Variants in SMAP1 observed in about 807,000 individuals in gnomAD.
The protein encoded by SMAP1 is small ArfGAP 1.
In SMAP1, 24 loss-of-function variants were observed where a neutral mutation model predicts 58.5. That is an observed-to-expected ratio of 0.41 (90% CI 0.30 to 0.58). The LOEUF (loss-of-function observed/expected upper bound fraction) is 0.58. Ranked by LOEUF, SMAP1 falls within the 20% of genes least tolerant of loss-of-function variation. The pLI is 0.29. For missense variants in SMAP1, 563 were observed against 566.3 expected, an observed-to-expected ratio of 0.99 and a Z score of 0.06; for synonymous variants, 216 against 196.6, an observed-to-expected ratio of 1.10 and a Z score of -0.82.
intron 1 of SMAP1, among the ~76,000 whole-genome samples, chr6:70,729,460 TG>T (rs1246364776): frequency 1.2e-4 from 1 of 8,586 alleles, no homozygotes; most frequent in African/African-American, 2.1e-4. Context: ...AAAAGAAGGT[TG>T]TGTGTGTGTG....
intron 7 of SMAP1, among the ~76,000 whole-genome samples, chr6:70,846,107 C>A (rs906396251): frequency 5.3e-5 from 8 of 152,128 alleles, no homozygotes; most frequent in African/African-American, 1.4e-4. Context: ...TCAGCTAGGG[C>A]TAAATGTGCT....
At chr6:70,816,556 C>G (rs1278130552) in intron 6 of SMAP1, among the ~76,000 whole-genome samples, 1 of 152,150 alleles carries the variant, frequency 6.6e-6, no homozygotes, top group Non-Finnish European at 1.5e-5. Context: ...AACAAACAGC[C>G]TTACCAAACT....
intron 1 of SMAP1, among the ~76,000 whole-genome samples, chr6:70,728,147 A>G (rs1765266610): frequency 6.6e-6 from 1 of 152,172 alleles, no homozygotes; most frequent in Non-Finnish European, 1.5e-5. Context: ...CAGTATGGGT[A>G]GAGTAGTTCT....
At chr6:70,812,142 G>A (rs965124924) in intron 6 of SMAP1, among the ~76,000 whole-genome samples, 18 of 152,176 alleles carry the variant, frequency 1.2e-4, no homozygotes, top group African/African-American at 3.6e-4. Context: ...AAAGCAAAAC[G>A]TTAGGTAAGG....
chr6:70,710,887 T>TTC (rs1768030775), intron 1 of SMAP1, among the ~76,000 whole-genome samples: 2 of 152,170 alleles, frequency 1.3e-5, no homozygotes, highest in Non-Finnish European at 2.9e-5. Context: ...GCTTTTTTTG[T>TTC]TCAAAACTAA....
chr6:70,690,090 G>A (rs1371425706), intron 1 of SMAP1, among the ~76,000 whole-genome samples: 2 of 151,984 alleles, frequency 1.3e-5, no homozygotes, highest in East Asian at 3.9e-4. Flanking sequence ...AGTAAAAATA[G>A]AAGTGGTGAA....
intron 1 of SMAP1, among the ~76,000 whole-genome samples, chr6:70,708,059 A>G (rs972918890): frequency 6.6e-6 from 1 of 152,054 alleles, no homozygotes; most frequent in East Asian, 1.9e-4. Context: ...TGAACATTAT[A>G]TCTCTAGACT....
chr6:70,739,351 T>G (rs1381851510), intron 2 of SMAP1, among the ~76,000 whole-genome samples: 2 of 152,162 alleles, frequency 1.3e-5, no homozygotes, highest in Non-Finnish European at 2.9e-5. Flanking sequence ...TTTACCTGTT[T>G]TAATTTTTTT....
At chr6:70,791,513 T>C (rs1768351306) in intron 4 of SMAP1, among the ~76,000 whole-genome samples, 176 bp from the exon 5 acceptor site, 1 of 152,222 alleles carries the variant, frequency 6.6e-6, no homozygotes, top group Non-Finnish European at 1.5e-5. Flanking sequence ...AAATTTCAAA[T>C]TGAAATTTTT....
intron 1 of SMAP1, among the ~76,000 whole-genome samples, chr6:70,708,644 G>T (rs373246113): frequency 3.3e-5 from 5 of 151,880 alleles, no homozygotes; most frequent in East Asian, 1.9e-4. Flanking sequence ...TTGTCTTCTT[G>T]ATAATAGCCT....
At position 70,729,806 on chromosome 6, in the gene SMAP1, A is replaced by G. The variant is rs1033799565; in HGVS notation, c.119-2572A>G. Among the ~76,000 whole-genome samples, 6 of 152,158 alleles carry G rather than the reference A, an allele frequency of 3.9e-5. No individual in the cohort carries two copies. The East Asian group carries it at 9.6e-4, about 24-fold the overall frequency. On this transcript the variant is annotated intron_variant, in intron 1 of 10. Coordinates refer to ENST00000370455, the MANE Select transcript of SMAP1 (RefSeq NM_001044305.3). ...AATTACGTTAGTTATGTGAAAGCAA[A>G]TCAGGAAGTGTGTTGAATGCTTGAG...
intron 3 of SMAP1, among the ~76,000 whole-genome samples, chr6:70,769,142 A>C (rs1270473125): frequency 2.0e-5 from 3 of 152,076 alleles, no homozygotes; most frequent in African/African-American, 4.8e-5. Flanking sequence ...CTGATCTTTT[A>C]CATTTGCTGA....
chr6:70,739,827 T>C (rs1665740013), intron 2 of SMAP1, among the ~76,000 whole-genome samples: 1 of 152,076 alleles, frequency 6.6e-6, no homozygotes, highest in Non-Finnish European at 1.5e-5. Context: ...CTTAGACTAT[T>C]ATTTGTTGTC....
chr6:70,812,621 A>T (rs1395749421), intron 6 of SMAP1, among the ~76,000 whole-genome samples: 1 of 152,222 alleles, frequency 6.6e-6, no homozygotes, highest in Non-Finnish European at 1.5e-5. Flanking sequence ...TTCAAAACTT[A>T]GTAGGGACCT....
intron 6 of SMAP1, among the ~76,000 whole-genome samples, chr6:70,827,858 AT>A (rs1562189211): frequency 6.6e-6 from 1 of 152,212 alleles, no homozygotes; most frequent in Non-Finnish European, 1.5e-5. Context: ...TAAAATGTAG[AT>A]TGTAATAAAT....
At chr6:70,701,959 A>G (rs1014268681) in intron 1 of SMAP1, among the ~76,000 whole-genome samples, 4 of 151,866 alleles carry the variant, frequency 2.6e-5, no homozygotes, top group Non-Finnish European at 5.9e-5. Context: ...CCTTTATTTC[A>G]CCTTTGTTTT....
At chr6:70,693,591 C>T (rs1415054253) in intron 1 of SMAP1, among the ~76,000 whole-genome samples, 3 of 152,136 alleles carry the variant, frequency 2.0e-5, no homozygotes, top group Middle Eastern at 3.4e-3. Context: ...CATGAGCCAC[C>T]GTGCCTGGCC....
At chr6:70,699,576 C>T (rs1158982474) in intron 1 of SMAP1, among the ~76,000 whole-genome samples, 1 of 151,584 alleles carries the variant, frequency 6.6e-6, no homozygotes, top group East Asian at 2.0e-4. Context: ...CCACTTAATG[C>T]ACTGTTCTGC....
Position 70,825,495 on chromosome 6 carries a change from T to TA in SMAP1, c.577-11443dup, listed in dbSNP as rs1770076865. ...AGAATAACAATAGTGAGATGAGTGT[T>TA]AAAGATATAGCTGTAGGTATAGCCA... On this transcript the variant is annotated intron_variant, in intron 6 of 10. Coordinates refer to ENST00000370455, the MANE Select transcript of SMAP1 (RefSeq NM_001044305.3). Among the ~76,000 whole-genome samples the TA allele has an allele frequency of 2.0e-5, 3 of 152,260 alleles. No individual in the cohort carries two copies. The South Asian group carries it at 6.2e-4, about 32-fold the overall frequency.
Sources: allele counts gnomAD v4.1 joint callset (sites outside exome capture counted in the v4.1 genomes callset), GRCh38; gene constraint gnomAD v4.1.1; transcripts MANE v1.5; gene names NCBI Gene and HGNC (gene_info 2026-07-23, HGNC 2026-07-21).